BRAF: variants seen among roughly 807,000 people sequenced by gnomAD.
BRAF encodes the protein B-Raf proto-oncogene, serine/threonine kinase.
BRAF carries 16 observed loss-of-function variants against 104.6 expected under a neutral mutation model. The ratio of observed to expected loss-of-function variants is 0.15; its 90% CI spans 0.10 to 0.23. The LOEUF is 0.23. Ranked by LOEUF, BRAF falls within the 10% of genes least tolerant of loss-of-function variation. The pLI is 1.00. For missense variants in BRAF, 541 were observed against 937.3 expected (o/e 0.58, Z 5.52); for synonymous variants, 310 against 341.6 (o/e 0.91, Z 1.02).
chr7:140,783,100 T>C lies in BRAF; in HGVS notation c.1355A>G (p.Asn452Ser). 1 of 1,614,078 alleles carries C rather than the reference T, an allele frequency of 6.2e-7. No individual in the cohort carries two copies. Among genetic ancestry groups the C allele is most frequent in the Non-Finnish European group, 8.5e-7 (1 of 1,179,992 alleles). The stretch of plus-strand genomic sequence containing the variant: ...TGGAGATTTCTGTAAGGCTTTCACG[T>C]TAGTTAGTGAGCCAGGTAATGAGGC... ...PPASLPGSLT[N>S]VKALQKSPGP... Residue 452 changes from asparagine (N) to serine (S), a missense_variant, in exon 11 of 20, where the codon AAC becomes AGC. This residue lies in a region of BRAF where 109 missense variants were observed against 143.9 expected (regional missense o/e 0.76). Transcript: ENST00000644969.
intron 18 of BRAF, among the ~76,000 whole-genome samples, chr7:140,736,193 C>T (rs528719502): frequency 6.6e-6 from 1 of 151,480 alleles, no homozygotes; most frequent in South Asian, 2.1e-4. Flanking sequence ...GCCTCAGCCT[C>T]CCGAGTAGCT....
At chr7:140,798,262 C>CTTTTTTTCCT (rs1802690607) in intron 7 of BRAF, among the ~76,000 whole-genome samples, 1 of 32,622 alleles carries the variant, frequency 3.1e-5, no homozygotes, top group Admixed American at 3.9e-4. Flanking sequence ...TGTATGGGGA[C>CTTTTTTTCCT]TTTTTTTTTC....
downstream of BRAF, among the ~76,000 whole-genome samples, chr7:140,715,263 C>T (rs1000173794): frequency 1.3e-5 from 2 of 152,206 alleles, no homozygotes; most frequent in Non-Finnish European, 2.9e-5. Flanking sequence ...ACAGCTTCAG[C>T]AGTCCTGTCC....
At chr7:140,800,994 G>C (rs1803044934) in intron 6 of BRAF, 1 of 208,684 alleles carries the variant, frequency 4.8e-6, no homozygotes, top group South Asian at 7.9e-5. Context: ...TAAATTGGGG[G>C]AAGGGAGCTG....
chr7:140,714,813 G>A (rs1044090421), downstream of BRAF, among the ~76,000 whole-genome samples: 20 of 152,138 alleles, frequency 1.3e-4, no homozygotes, highest in African/African-American at 4.6e-4. Flanking sequence ...AATGGCACTG[G>A]GTGAGGTGCT....
chr7:140,887,964 C>G (rs560434261), intron 1 of BRAF, among the ~76,000 whole-genome samples: 1 of 151,956 alleles, frequency 6.6e-6, no homozygotes, highest in South Asian at 2.1e-4. Flanking sequence ...CTGCAACCTC[C>G]TGGGTTCAAG....
chr7:140,846,645 T>C (rs891396217), intron 2 of BRAF, among the ~76,000 whole-genome samples: 2 of 151,988 alleles, frequency 1.3e-5, no homozygotes, highest in South Asian at 2.1e-4. Flanking sequence ...CACAGAACCA[T>C]ATACTTAAAA....
intron 16 of BRAF, among the ~76,000 whole-genome samples, chr7:140,749,882 C>A (rs1045252702): frequency 2.0e-5 from 3 of 152,118 alleles, no homozygotes; most frequent in Non-Finnish European, 4.4e-5. Flanking sequence ...TCTGAGGACA[C>A]CTTAGAAAAT....
intron 14 of BRAF, among the ~76,000 whole-genome samples, chr7:140,763,054 G>C (rs1436240543): frequency 6.6e-6 from 1 of 152,048 alleles, no homozygotes. Context: ...TCTTTTCCCC[G>C]CTTTTCCCCT....
intron 19 of BRAF, among the ~76,000 whole-genome samples, chr7:140,729,621 A>G (rs192828795): frequency 0.013 from 1,948 of 146,866 alleles, 46 homozygotes; most frequent in African/African-American, 0.046. Context: ...TTCTACTGGG[A>G]AAAAAAAAAA....
At chr7:140,818,437 C>T (rs1375081976) in intron 3 of BRAF, among the ~76,000 whole-genome samples, 3 of 151,826 alleles carry the variant, frequency 2.0e-5, no homozygotes, top group Non-Finnish European at 2.9e-5. Context: ...CTCAGCCTCC[C>T]GAGTAGCTGG....
intron 12 of BRAF, 199 bp downstream of exon 11, chr7:140,781,377 G>C: frequency 1.7e-6 from 1 of 585,040 alleles, no homozygotes; most frequent in Non-Finnish European, 3.0e-6. Flanking sequence ...TAATAAAATG[G>C]TAGGAGTCCC....
chr7:140,865,375 C>G (rs545069684), intron 1 of BRAF, among the ~76,000 whole-genome samples: 1 of 152,294 alleles, frequency 6.6e-6, no homozygotes, highest in South Asian at 2.1e-4. Context: ...CCACTGCGCC[C>G]AGCCAGCAAA....
At chr7:140,899,797 A>T (rs776605932) in intron 1 of BRAF, among the ~76,000 whole-genome samples, 28 of 152,252 alleles carry the variant, frequency 1.8e-4, no homozygotes, top group Non-Finnish European at 3.5e-4. Context: ...GCTCCCAATG[A>T]TCCTCACCCT....
At chr7:140,737,502 T>A (rs756333830) in intron 18 of BRAF, among the ~76,000 whole-genome samples, 21 of 152,244 alleles carry the variant, frequency 1.4e-4, no homozygotes, top group Non-Finnish European at 2.5e-4. Flanking sequence ...CTTTGCCCAT[T>A]TTCTATTGTT....
chr7:140,768,999 A>T (rs556373213), intron 14 of BRAF, among the ~76,000 whole-genome samples: 1 of 152,246 alleles, frequency 6.6e-6, no homozygotes, highest in East Asian at 1.9e-4. Context: ...ATGAGAAATA[A>T]GTTTCTTTTT....
At chr7:140,864,676 G>A (rs1810752551) in intron 1 of BRAF, among the ~76,000 whole-genome samples, 1 of 152,210 alleles carries the variant, frequency 6.6e-6, no homozygotes, top group African/African-American at 2.4e-5. Flanking sequence ...ATAAGAATAG[G>A]AACACATAAT....
intron 7 of BRAF, among the ~76,000 whole-genome samples, chr7:140,797,085 C>T (rs1230500589): frequency 1.3e-5 from 2 of 152,214 alleles, no homozygotes; most frequent in South Asian, 2.1e-4. Flanking sequence ...TCTTGGCAGT[C>T]GGCAAACTGG....
Position 140,722,056 on chromosome 7 carries a change from A to C in BRAF, c.*4438T>G. 2 of 1,101,420 alleles carry C rather than the reference A, an allele frequency of 1.8e-6. No homozygotes were observed. The highest frequency in any genetic ancestry group is 2.2e-6 in the Non-Finnish European group (2 of 904,244). 68.2% of individuals were successfully genotyped at this position (1,101,420 alleles called of 1,614,324 possible). ...CCCATCATACAGTACTTCAACCCTAAACTACAGCAATTTCTGTCAACATTT... is the reference window on the plus strand; with the variant it reads ...CCCATCATACAGTACTTCAACCCTACACTACAGCAATTTCTGTCAACATTT... On this transcript the variant is annotated 3_prime_UTR_variant, in exon 20 of 20. Transcript: ENST00000644969.
Sources: gnomAD v4.1 joint callset for allele counts (sites outside exome capture counted in the v4.1 genomes callset) on GRCh38, gnomAD v4.1.1 for gene constraint, gnomAD v4.1.1 regional missense constraint, MANE v1.5 for transcripts, NCBI Gene and HGNC (gene_info 2026-07-23, HGNC 2026-07-21) for gene names.